Variants in VAV3 observed in about 807,000 individuals in gnomAD.
VAV3 encodes guanine nucleotide exchange factor VAV3.
Under a neutral mutation model 131.2 loss-of-function variants are expected in VAV3, and 94 were observed. The observed-to-expected ratio is 0.72, with a 90% CI of 0.61 to 0.85. The LOEUF is 0.85. Among genes scored for constraint, VAV3 ranks in the 40% least tolerant of loss-of-function variants. The pLI, the probability that VAV3 is intolerant of heterozygous loss-of-function variation, is 0.00. For missense variants in VAV3, 939 were observed against 1,002.7 expected, an observed-to-expected ratio of 0.94 and a Z score of 0.86; for synonymous variants, 349 against 342.0, an observed-to-expected ratio of 1.02 and a Z score of -0.22.
chr1:107,607,635 C>A (rs113010952), intron 22 of VAV3, among the ~76,000 whole-genome samples: 199 of 152,300 alleles, frequency 1.3e-3, no homozygotes, highest in Middle Eastern at 0.01. Context: ...TGGGAAAAGG[C>A]AGGGACCCTG....
At chr1:107,932,188 A>C (rs1471187037) in intron 1 of VAV3, among the ~76,000 whole-genome samples, 2 of 152,230 alleles carry the variant, frequency 1.3e-5, no homozygotes, top group Non-Finnish European at 2.9e-5. Flanking sequence ...TCATCACAAC[A>C]GCTAACAAAA....
intron 22 of VAV3, among the ~76,000 whole-genome samples, chr1:107,608,935 G>C (rs543054287): frequency 2.7e-4 from 41 of 152,262 alleles, no homozygotes; most frequent in Admixed American, 3.3e-4. Flanking sequence ...GTCTTTTTAA[G>C]AGAAGTCAAA....
intron 25 of VAV3, among the ~76,000 whole-genome samples, chr1:107,579,367 T>C (rs1057231864): frequency 6.6e-6 from 1 of 152,210 alleles, no homozygotes; most frequent in African/African-American, 2.4e-5. Context: ...TTATGTCTGA[T>C]TTAATGTGTC....
intron 2 of VAV3, among the ~76,000 whole-genome samples, chr1:107,861,662 G>A (rs148798511): frequency 5.9e-5 from 9 of 151,478 alleles, no homozygotes; most frequent in African/African-American, 1.7e-4. Context: ...ACCCATATCC[G>A]AATATAACCA....
chr1:107,785,730 G>T, intron 2 of VAV3: 1 of 927,588 alleles, frequency 1.1e-6, no homozygotes, highest in Non-Finnish European at 1.3e-6. Context: ...TCAGACAGAA[G>T]CATAGTCTGT....
intron 25 of VAV3, among the ~76,000 whole-genome samples, chr1:107,574,686 G>T (rs1459744738): frequency 6.6e-6 from 1 of 152,160 alleles, no homozygotes; most frequent in African/African-American, 2.4e-5. Flanking sequence ...TCAGTCTCTT[G>T]TCAAATCTAT....
At chr1:107,590,283 C>T (rs1650846221) in intron 25 of VAV3, among the ~76,000 whole-genome samples, 1 of 152,240 alleles carries the variant, frequency 6.6e-6, no homozygotes, top group Non-Finnish European at 1.5e-5. Flanking sequence ...ACTTAGCACT[C>T]TAATATCTGC....
intron 1 of VAV3, among the ~76,000 whole-genome samples, chr1:107,881,006 C>A (rs1051875994): frequency 6.6e-6 from 1 of 152,154 alleles, no homozygotes; most frequent in Non-Finnish European, 1.5e-5. Flanking sequence ...GATTTACCAA[C>A]ATTTACATAA....
chr1:107,858,669 G>A (rs1355867094), intron 2 of VAV3, among the ~76,000 whole-genome samples: 2 of 152,134 alleles, frequency 1.3e-5, no homozygotes, highest in African/African-American at 2.4e-5. Context: ...GAAGTGGAAC[G>A]GTTTCACCCC....
chr1:107,891,833 C>A (rs564999719), intron 1 of VAV3, among the ~76,000 whole-genome samples: 1 of 119,596 alleles, frequency 8.4e-6, no homozygotes, highest in Non-Finnish European at 1.7e-5. Context: ...AGCAAGACTC[C>A]GTCTCAAAAA....
chr1:107,724,799 GA>G (rs1482661139), intron 15 of VAV3, among the ~76,000 whole-genome samples: 2 of 151,956 alleles, frequency 1.3e-5, no homozygotes, highest in African/African-American at 4.8e-5. Flanking sequence ...TGCCAGGAAG[GA>G]ATTCAGTCTG....
chr1:107,940,128 A>G (rs1406272856), intron 1 of VAV3, among the ~76,000 whole-genome samples: 2 of 152,206 alleles, frequency 1.3e-5, no homozygotes, highest in African/African-American at 2.4e-5. Context: ...GGAGCTCTTG[A>G]TGCCTGGGTA....
At chr1:107,651,946 T>C (rs1388738288) in intron 19 of VAV3, among the ~76,000 whole-genome samples, 1 of 152,120 alleles carries the variant, frequency 6.6e-6, no homozygotes, top group Non-Finnish European at 1.5e-5. Context: ...TTTTTAGTCA[T>C]GCTTTCTTAG....
chr1:107,655,528 A>G (rs1656478454), intron 19 of VAV3, among the ~76,000 whole-genome samples: 1 of 152,162 alleles, frequency 6.6e-6, no homozygotes, highest in Admixed American at 6.6e-5. Flanking sequence ...ACTAGAAGAA[A>G]ACCTCACAGA....
chr1:107,766,354 A>G, intron 8 of VAV3, 93 bp downstream of exon 8: 1 of 785,266 alleles, frequency 1.3e-6, no homozygotes, highest in Non-Finnish European at 2.1e-6. Flanking sequence ...TAATGTAATA[A>G]ACAGCAGTAA....
chr1:107,667,079 C>T (rs1030882566), intron 19 of VAV3, among the ~76,000 whole-genome samples: 21 of 152,200 alleles, frequency 1.4e-4, no homozygotes, highest in African/African-American at 4.3e-4. Flanking sequence ...GCTATGGCCT[C>T]GAGAGTCTGG....
chr1:107,807,096 G>T (rs1557859147), intron 2 of VAV3, among the ~76,000 whole-genome samples: 1 of 152,144 alleles, frequency 6.6e-6, no homozygotes, highest in Non-Finnish European at 1.5e-5. Flanking sequence ...AAAACCCACA[G>T]TTCAGTACAG....
intron 1 of VAV3, among the ~76,000 whole-genome samples, chr1:107,883,682 C>T (rs1329233474): frequency 6.6e-6 from 1 of 152,056 alleles, no homozygotes; most frequent in Non-Finnish European, 1.5e-5. Flanking sequence ...GTGTTTCCTG[C>T]CTCTGGTGTG....
At chr1:107,613,425 C>T (rs184685748) in intron 21 of VAV3, among the ~76,000 whole-genome samples, 9 of 152,164 alleles carry the variant, frequency 5.9e-5, no homozygotes, top group Middle Eastern at 3.4e-3. Context: ...GCTCCTTGAG[C>T]AATTTCTTCA....
Sources: allele counts gnomAD v4.1 joint callset (sites outside exome capture counted in the v4.1 genomes callset), GRCh38; gene constraint gnomAD v4.1.1; transcripts MANE v1.5; gene names NCBI Gene and HGNC (gene_info 2026-07-23, HGNC 2026-07-21).